ROBO1: variants seen among roughly 807,000 people sequenced by gnomAD.
ROBO1 encodes the protein roundabout guidance receptor 1.
ROBO1 carries 149 observed loss-of-function variants against 195.9 expected under a neutral mutation model. The ratio of observed to expected loss-of-function variants is 0.76; its 90% CI spans 0.67 to 0.87. ROBO1 has a LOEUF of 0.87. Ranked by LOEUF, ROBO1 falls within the 40% of genes least tolerant of loss-of-function variation. The pLI is 0.00. For synonymous variants in ROBO1, 816 were observed against 733.2 expected, an observed-to-expected ratio of 1.11 and a Z score of -1.82; for missense variants, 1,933 against 2,068.3, an observed-to-expected ratio of 0.93 and a Z score of 1.27.
At chr3:79,460,170 G>T (rs919765032) in intron 2 of ROBO1, among the ~76,000 whole-genome samples, 1 of 152,052 alleles carries the variant, frequency 6.6e-6, no homozygotes, top group Non-Finnish European at 1.5e-5. Flanking sequence ...GAAGTGCCTG[G>T]TTAGAAGGAA....
intron 3 of ROBO1, among the ~76,000 whole-genome samples, chr3:78,969,643 G>A (rs2076719896): frequency 6.6e-6 from 1 of 152,134 alleles, no homozygotes; most frequent in Admixed American, 6.5e-5. Context: ...TGCTGCATGT[G>A]TTGCACTGAA....
chr3:79,010,383 A>G (rs1335594837), intron 3 of ROBO1, among the ~76,000 whole-genome samples: 5 of 152,150 alleles, frequency 3.3e-5, no homozygotes, highest in Non-Finnish European at 7.4e-5. Flanking sequence ...GACAGGGCTA[A>G]TAACAACACA....
chr3:78,823,978 T>C (rs1186703071), intron 4 of ROBO1, among the ~76,000 whole-genome samples: 4 of 152,130 alleles, frequency 2.6e-5, no homozygotes, highest in South Asian at 2.1e-4. Context: ...AACTTTGAGA[T>C]AGAGATCTAT....
intron 1 of ROBO1, among the ~76,000 whole-genome samples, chr3:79,732,164 T>A (rs752792153): frequency 1.7e-4 from 26 of 151,908 alleles, no homozygotes; most frequent in Non-Finnish European, 3.5e-4. Flanking sequence ...TTTGTGTATG[T>A]AAACATACCT....
At chr3:78,650,560 G>C (rs951781888) in intron 19 of ROBO1, among the ~76,000 whole-genome samples, 1 of 152,188 alleles carries the variant, frequency 6.6e-6, no homozygotes, top group African/African-American at 2.4e-5. Context: ...TCAAGTTCTA[G>C]CTAACATGAA....
At chr3:79,695,191 TTG>T (rs1249940565) in intron 1 of ROBO1, among the ~76,000 whole-genome samples, 1 of 149,996 alleles carries the variant, frequency 6.7e-6, no homozygotes, top group Non-Finnish European at 1.5e-5. Context: ...CTGATATATA[TTG>T]TCTTTTAAAA....
At chr3:79,355,312 C>T (rs191922397) in intron 2 of ROBO1, among the ~76,000 whole-genome samples, 175 of 151,892 alleles carry the variant, frequency 1.2e-3, no homozygotes, top group Non-Finnish European at 2.0e-3. Context: ...GTGCAATTTA[C>T]GGGGCACGGC....
intron 3 of ROBO1, chr3:79,018,370 G>A: frequency 1.2e-6 from 2 of 1,612,840 alleles, no homozygotes; most frequent in Non-Finnish European, 1.7e-6. Flanking sequence ...GGGCGAACAG[G>A]GAGGATCAAG....
chr3:79,713,550 TAGAATTAGAAGTG>T (rs1702361730), intron 1 of ROBO1, among the ~76,000 whole-genome samples: 1 of 152,110 alleles, frequency 6.6e-6, no homozygotes, highest in African/African-American at 2.4e-5. Context: ...ACAATAGAAC[TAGAATTAGAAGTG>T]AAATCTATTG....
intron 4 of ROBO1, among the ~76,000 whole-genome samples, chr3:78,881,298 C>G (rs2036165147): frequency 6.6e-6 from 1 of 152,138 alleles, no homozygotes; most frequent in Non-Finnish European, 1.5e-5. Context: ...TGTTACGGAG[C>G]CCCTCTTAAG....
intron 2 of ROBO1, among the ~76,000 whole-genome samples, chr3:79,551,691 G>A (rs184357788): frequency 1.0e-3 from 152 of 152,054 alleles, no homozygotes; most frequent in African/African-American, 3.4e-3. Flanking sequence ...TGTCAGCACA[G>A]CAAGTTCCTA....
intron 22 of ROBO1, among the ~76,000 whole-genome samples, chr3:78,637,284 G>A (rs58682182): frequency 0.26 from 39,401 of 151,780 alleles, 5,304 homozygotes; most frequent in Middle Eastern, 0.32. Context: ...GAACCGTCAG[G>A]GAACAGAAAT....
intron 1 of ROBO1, among the ~76,000 whole-genome samples, chr3:79,612,589 C>G (rs1001564490): frequency 3.4e-5 from 5 of 149,220 alleles, no homozygotes; most frequent in African/African-American, 9.8e-5. Flanking sequence ...GTTCTAGATC[C>G]CTGAGGAATC....
intron 2 of ROBO1, among the ~76,000 whole-genome samples, chr3:79,232,475 C>T (rs2082337768): frequency 6.6e-6 from 1 of 150,608 alleles, no homozygotes; most frequent in Admixed American, 6.6e-5. Flanking sequence ...AAACAAACAT[C>T]ACAATCAAAT....
intron 2 of ROBO1, among the ~76,000 whole-genome samples, chr3:79,409,272 A>G (rs913685624): frequency 1.3e-5 from 2 of 152,154 alleles, no homozygotes; most frequent in Non-Finnish European, 2.9e-5. Context: ...TGACAAAAAA[A>G]AGATTTATAA....
intron 21 of ROBO1, among the ~76,000 whole-genome samples, chr3:78,644,714 T>C (rs759192705): frequency 2.0e-5 from 3 of 152,182 alleles, no homozygotes; most frequent in Non-Finnish European, 4.4e-5. Flanking sequence ...TTCCTGCCAT[T>C]GTTTCCCATG....
At chr3:79,251,027 C>A (rs886234316) in intron 2 of ROBO1, among the ~76,000 whole-genome samples, 14 of 152,082 alleles carry the variant, frequency 9.2e-5, no homozygotes, top group African/African-American at 3.4e-4. Context: ...TGCACTCCAG[C>A]GTGGGTGACA....
chr3:79,225,622 T>C (rs1049959458), intron 2 of ROBO1, among the ~76,000 whole-genome samples: 2 of 152,208 alleles, frequency 1.3e-5, no homozygotes, highest in Non-Finnish European at 1.5e-5. Context: ...TAGTACCATG[T>C]GTATTTCAGG....
chr3:79,652,286 T>C (rs1338374462), intron 1 of ROBO1, among the ~76,000 whole-genome samples: 3 of 152,128 alleles, frequency 2.0e-5, no homozygotes, highest in Non-Finnish European at 4.4e-5. Flanking sequence ...CCACTTTGTC[T>C]TTCTTGTCTC....
Sources: gnomAD v4.1 joint callset for allele counts (sites outside exome capture counted in the v4.1 genomes callset) on GRCh38, gnomAD v4.1.1 for gene constraint, MANE v1.5 for transcripts, NCBI Gene and HGNC (gene_info 2026-07-23, HGNC 2026-07-21) for gene names.